CBFA2T2: variants seen among roughly 807,000 people sequenced by gnomAD.
CBFA2T2 encodes the protein CBFA2/RUNX1 partner transcriptional co-repressor 2, also known as protein CBFA2T2.
In CBFA2T2, 11 loss-of-function variants were observed where a neutral mutation model predicts 62.2. The ratio of observed to expected loss-of-function variants is 0.18; its 90% CI spans 0.11 to 0.29. CBFA2T2 has a LOEUF of 0.29. CBFA2T2 is among the 10% of genes least tolerant of loss of function. The pLI is 1.00. For missense variants in CBFA2T2, 592 were observed against 774.1 expected (o/e 0.76, Z 2.79); for synonymous variants, 295 against 287.5 (o/e 1.03, Z -0.27).
intron 2 of CBFA2T2, among the ~76,000 whole-genome samples, chr20:33,608,549 GA>G (rs2015415540): frequency 6.6e-6 from 1 of 152,212 alleles, no homozygotes; most frequent in Non-Finnish European, 1.5e-5. Context: ...TGAATGAAAA[GA>G]AGTGTGATAT....
rs58366038 is a variant in CBFA2T2, at chr20:33,643,825, ATGTGTG to A, written c.1489-492_1489-487del. 7.2e-4 allele frequency among the ~76,000 whole-genome samples: 53 copies of A among 73,352 alleles called. 1 individual carries two copies. The highest frequency in any genetic ancestry group is 9.3e-4 in the Admixed American group (6 of 6,456). 48.1% of individuals were successfully genotyped at this position (73,352 alleles called of 152,430 possible). A position where few individuals can be genotyped will look rare whatever the true frequency, so the allele number is the denominator to read the frequency against. ...TATATATATATATATATAGTATATA[ATGTGTG>A]TGTGTGTGTGTGTGTGTGTGTGTGT... On this transcript the variant is annotated intron_variant, in intron 10 of 10. Transcript: ENST00000342704.
chr20:33,628,476 A>G, intron 7 of CBFA2T2, 41 bp downstream of exon 7: 2 of 1,423,360 alleles, frequency 1.4e-6, no homozygotes, highest in Non-Finnish European at 2.0e-6. Context: ...ACTCTTTATT[A>G]CTTTTTTTTG....
At chr20:33,550,997 T>TGAAA (rs1274373093) in intron 1 of CBFA2T2, among the ~76,000 whole-genome samples, 1 of 152,124 alleles carries the variant, frequency 6.6e-6, no homozygotes, top group Non-Finnish European at 1.5e-5. Flanking sequence ...TTGTCAATGC[T>TGAAA]GTTTCAGGAA....
intron 1 of CBFA2T2, among the ~76,000 whole-genome samples, chr20:33,549,906 T>C (rs2012690141): frequency 6.6e-6 from 1 of 150,506 alleles, no homozygotes; most frequent in East Asian, 2.0e-4. Context: ...TCCTGAGAGA[T>C]TGGGACCAAG....
intron 1 of CBFA2T2, among the ~76,000 whole-genome samples, chr20:33,565,030 C>T (rs2013247560): frequency 6.6e-6 from 1 of 152,150 alleles, no homozygotes; most frequent in Non-Finnish European, 1.5e-5. Flanking sequence ...TGCTATTCTC[C>T]TGCCTCAGCC....
At chr20:33,549,201 C>A (rs2012664215) in intron 1 of CBFA2T2, among the ~76,000 whole-genome samples, 1 of 151,866 alleles carries the variant, frequency 6.6e-6, no homozygotes, top group Non-Finnish European at 1.5e-5. Flanking sequence ...TTGGTTAGGG[C>A]AGAATTTCTG....
chr20:33,500,767 A>G (rs530935469), intron 1 of CBFA2T2, among the ~76,000 whole-genome samples: 102 of 152,324 alleles, frequency 6.7e-4, no homozygotes, highest in Admixed American at 3.4e-3. Context: ...GGTATGATTT[A>G]AAGATAGCTA....
intron 1 of CBFA2T2, among the ~76,000 whole-genome samples, chr20:33,561,627 T>G (rs1397806185): frequency 6.6e-6 from 1 of 152,216 alleles, no homozygotes; most frequent in Non-Finnish European, 1.5e-5. Context: ...TTCTGTCATC[T>G]CTCTGGATTT....
At position 33,619,563 on chromosome 20, in the gene CBFA2T2, C is replaced by G; in HGVS notation, c.467C>G (p.Ala156Gly). 1 of 1,609,924 alleles carries G rather than the reference C, an allele frequency of 6.2e-7. No individual in the cohort carries two copies. The highest frequency in any genetic ancestry group is 8.5e-7 in the Non-Finnish European group (1 of 1,178,138). The change falls in exon 4 of 11, where the codon GCC (alanine) becomes GGC (glycine). Residue 156 changes from alanine (A) to glycine (G), a missense_variant. Ala to Gly is a moderately conservative substitution (Grantham distance 60, BLOSUM62 0). Coordinates refer to ENST00000342704, the MANE Select transcript of CBFA2T2 (RefSeq NM_001032999.3). ...GAATTCCACTGTAAGCTCCAAGAAG[C>G]CACAAACTTTCCCCTTCGTCCTTTT... The part of the protein sequence containing the change: ...IEEFHCKLQE[A>G]TNFPLRPFVI...
chr20:33,514,739 A>G (rs1453655946), intron 1 of CBFA2T2, among the ~76,000 whole-genome samples: 8 of 151,642 alleles, frequency 5.3e-5, no homozygotes, highest in East Asian at 2.0e-4. Context: ...GCTCTGTCCT[A>G]TAGGCTGGAG....
At chr20:33,579,105 G>GT (rs1299627561) in intron 1 of CBFA2T2, among the ~76,000 whole-genome samples, 96 of 140,132 alleles carry the variant, frequency 6.9e-4, no homozygotes, top group South Asian at 2.0e-3. Context: ...TTTTTTGGGG[G>GT]TTTTTTTTTG....
At chr20:33,638,935 G>A (rs1311012115) in intron 9 of CBFA2T2, 1 of 152,172 alleles carries the variant, frequency 6.6e-6, no homozygotes, top group Non-Finnish European at 1.5e-5. Context: ...CCAAATCTAT[G>A]TCTTTAGCCC....
intron 3 of CBFA2T2, 145 bp downstream of exon 3, chr20:33,611,480 G>C: frequency 1.1e-6 from 1 of 923,050 alleles, no homozygotes; most frequent in Admixed American, 2.7e-5. Context: ...TGAATAACTT[G>C]TGTAAAACTG....
At chr20:33,580,193 T>A (rs2014048342) in intron 1 of CBFA2T2, among the ~76,000 whole-genome samples, 2 of 152,204 alleles carry the variant, frequency 1.3e-5, no homozygotes, top group African/African-American at 2.4e-5. Context: ...AATATACATT[T>A]TAGGCGTGTA....
intron 1 of CBFA2T2, among the ~76,000 whole-genome samples, chr20:33,571,014 G>A (rs1406004942): frequency 1.3e-5 from 2 of 152,190 alleles, no homozygotes; most frequent in African/African-American, 4.8e-5. Context: ...TGTTCTTCAT[G>A]TCTAAAGTAA....
intron 1 of CBFA2T2, among the ~76,000 whole-genome samples, chr20:33,579,549 C>G (rs1416363743): frequency 6.7e-6 from 1 of 148,256 alleles, no homozygotes; most frequent in African/African-American, 2.5e-5. Context: ...CAACCCATCA[C>G]GAATCTTTTT....
chr20:33,630,552 G>A (rs1021951580), intron 8 of CBFA2T2, among the ~76,000 whole-genome samples: 1 of 152,132 alleles, frequency 6.6e-6, no homozygotes, highest in African/African-American at 2.4e-5. Context: ...ACCATACCAC[G>A]CTGGGTTGTT....
At chr20:33,609,825 G>T (rs1359942818) in intron 2 of CBFA2T2, among the ~76,000 whole-genome samples, 1 of 152,224 alleles carries the variant, frequency 6.6e-6, no homozygotes, top group African/African-American at 2.4e-5. Context: ...GCTAGGTAAA[G>T]ATTAAATGAT....
chr20:33,624,742 C>T (rs375818342), intron 5 of CBFA2T2, 22 bp from the exon 6 acceptor site: 71 of 1,611,968 alleles, frequency 4.4e-5, no homozygotes, highest in African/African-American at 3.5e-4. Context: ...GGATCAGATA[C>T]GCACTTCTGC....
Sources: allele counts gnomAD v4.1 joint callset (sites outside exome capture counted in the v4.1 genomes callset), GRCh38; gene constraint gnomAD v4.1.1; transcripts MANE v1.5; gene names NCBI Gene and HGNC (gene_info 2026-07-23, HGNC 2026-07-21).